The following CHL1 variants were observed in gnomAD, a reference collection of about 807,000 sequenced individuals.
CHL1 encodes cell adhesion molecule L1 like.
In CHL1, 96 loss-of-function variants were observed where a neutral mutation model predicts 141.9. That is an observed-to-expected ratio of 0.68 (90% CI 0.57 to 0.80). The LOEUF (loss-of-function observed/expected upper bound fraction) is 0.80. Ranked by LOEUF, CHL1 falls within the 30% of genes least tolerant of loss-of-function variation. The probability of loss-of-function intolerance (pLI) is 0.00; values close to 1 mark genes in which losing one functional copy is unlikely to be tolerated. For synonymous variants in CHL1, 613 were observed against 502.2 expected (o/e 1.22, Z -2.95); for missense variants, 1,820 against 1,457.2 (o/e 1.25, Z -4.05).
chr3:293,257 T>C (rs1042724006), intron 2 of CHL1, among the ~76,000 whole-genome samples: 1 of 152,170 alleles, frequency 6.6e-6, no homozygotes, highest in Admixed American at 6.5e-5. Context: ...ATCCTAGCAC[T>C]TTGGGAGGCC....
At chr3:340,764 A>G (rs1702286413) in intron 5 of CHL1, 30 bp from the exon 6 acceptor site, 1 of 1,551,748 alleles carries the variant, frequency 6.4e-7, no homozygotes, top group Non-Finnish European at 8.8e-7. Context: ...TAATTTTAAA[A>G]TAACACATTA....
At chr3:345,254 C>A (rs1702666473) in intron 9 of CHL1, among the ~76,000 whole-genome samples, 1 of 151,962 alleles carries the variant, frequency 6.6e-6, no homozygotes, top group Admixed American at 6.6e-5. Context: ...TGCTATACTA[C>A]TTGCCCCACT....
At chr3:369,921 A>C (rs1354012642) in intron 15 of CHL1, among the ~76,000 whole-genome samples, 1 of 152,192 alleles carries the variant, frequency 6.6e-6, no homozygotes, top group Non-Finnish European at 1.5e-5. Context: ...AATATGTTGA[A>C]TCAGCCTTGA....
intron 2 of CHL1, among the ~76,000 whole-genome samples, chr3:285,074 T>C (rs1430852490): frequency 6.6e-6 from 1 of 152,230 alleles, no homozygotes; most frequent in East Asian, 1.9e-4. Flanking sequence ...GTTTTAAGCA[T>C]ATTTGTGTGT....
At chr3:359,952 G>A (rs1419406072) in intron 11 of CHL1, among the ~76,000 whole-genome samples, 1 of 152,166 alleles carries the variant, frequency 6.6e-6, no homozygotes, top group Non-Finnish European at 1.5e-5. Flanking sequence ...ATTCAGAAGA[G>A]TAACAGAGTG....
intron 27 of CHL1, among the ~76,000 whole-genome samples, chr3:404,547 A>T (rs1575314360): frequency 6.6e-6 from 1 of 152,158 alleles, no homozygotes; most frequent in Non-Finnish European, 1.5e-5. Context: ...TGAATAAAAC[A>T]CCTACCATAA....
At chr3:373,558 G>A (rs1705918366) in intron 15 of CHL1, 1 of 152,440 alleles carries the variant, frequency 6.6e-6, no homozygotes, top group Non-Finnish European at 1.5e-5. Context: ...TTAGGCAGTT[G>A]TGATTCCCAG....
chr3:349,044 G>A (rs1703006684), intron 9 of CHL1, among the ~76,000 whole-genome samples: 1 of 152,208 alleles, frequency 6.6e-6, no homozygotes, highest in African/African-American at 2.4e-5. Flanking sequence ...ATTTCAATGA[G>A]CTCCAGCTAT....
chr3:235,778 C>A (rs747486801), intron 1 of CHL1, among the ~76,000 whole-genome samples: 9 of 152,134 alleles, frequency 5.9e-5, no homozygotes, highest in Admixed American at 1.3e-4. Flanking sequence ...TCTTAACTTA[C>A]AACATTGACA....
chr3:338,591 T>G (rs1702119253), intron 5 of CHL1, among the ~76,000 whole-genome samples: 1 of 152,188 alleles, frequency 6.6e-6, no homozygotes, highest in Non-Finnish European at 1.5e-5. Context: ...GGATAAGACA[T>G]AAAAAATTCC....
intron 16 of CHL1, among the ~76,000 whole-genome samples, chr3:379,394 A>T (rs1706745558): frequency 1.3e-5 from 2 of 152,064 alleles, no homozygotes; most frequent in Non-Finnish European, 2.9e-5. Context: ...TGGGTATTTG[A>T]GCATTTTCAG....
At chr3:210,446 A>C (rs1699817620) in intron 1 of CHL1, among the ~76,000 whole-genome samples, 1 of 152,178 alleles carries the variant, frequency 6.6e-6, no homozygotes, top group Non-Finnish European at 1.5e-5. Context: ...GGCTTCCCTC[A>C]CATGACCCAT....
intron 2 of CHL1, among the ~76,000 whole-genome samples, chr3:307,554 T>G (rs1699351950): frequency 6.6e-6 from 1 of 152,186 alleles, no homozygotes; most frequent in Non-Finnish European, 1.5e-5. Flanking sequence ...GCAATGAAAT[T>G]GTGTTTAGGC....
chr3:240,727 G>A (rs116200601), intron 1 of CHL1, among the ~76,000 whole-genome samples: 2,813 of 152,174 alleles, frequency 0.018, 36 homozygotes, highest in Middle Eastern at 0.034. Context: ...TATAGGTATC[G>A]GGTCTTATAT....
intron 9 of CHL1, among the ~76,000 whole-genome samples, chr3:349,064 G>A (rs1337104377): frequency 2.6e-5 from 4 of 152,074 alleles, no homozygotes; most frequent in Non-Finnish European, 4.4e-5. Context: ...TTTTTCCTTC[G>A]CTCAGCCACA....
intron 2 of CHL1, among the ~76,000 whole-genome samples, chr3:302,355 C>A (rs925821258): frequency 6.6e-6 from 1 of 152,162 alleles, no homozygotes; most frequent in Non-Finnish European, 1.5e-5. Flanking sequence ...AATTTACACT[C>A]CCACCAACAG....
chr3:382,446 A>G, intron 17 of CHL1, 28 bp from the exon 18 acceptor site: 2 of 1,581,712 alleles, frequency 1.3e-6, no homozygotes, highest in South Asian at 1.1e-5. Context: ...CATACATTCT[A>G]ATATTTTTTC....
intron 2 of CHL1, among the ~76,000 whole-genome samples, chr3:267,555 T>C (rs553160128): frequency 6.6e-6 from 1 of 151,240 alleles, no homozygotes; most frequent in Non-Finnish European, 1.5e-5. Context: ...AGTCAAAAAC[T>C]AAAACCAAAA....
intron 2 of CHL1, among the ~76,000 whole-genome samples, chr3:297,796 A>G (rs192200175): frequency 5.9e-5 from 9 of 152,312 alleles, no homozygotes; most frequent in Admixed American, 3.3e-4. Context: ...TCTCTGCAGT[A>G]TTGAAAAAAC....
Sources: allele counts gnomAD v4.1 joint callset (sites outside exome capture counted in the v4.1 genomes callset), GRCh38; gene constraint gnomAD v4.1.1; transcripts MANE v1.5; gene names NCBI Gene and HGNC (gene_info 2026-07-23, HGNC 2026-07-21).